MRTFA: variants seen among roughly 807,000 people sequenced by gnomAD.
MRTFA encodes the protein myocardin-related transcription factor A.
Under a neutral mutation model 83.5 loss-of-function variants are expected in MRTFA, and 20 were observed. The ratio of observed to expected loss-of-function variants is 0.24; its 90% confidence interval spans 0.17 to 0.35. The LOEUF is 0.35. Among genes scored for constraint, MRTFA ranks in the 10% least tolerant of loss-of-function variants. MRTFA has a pLI of 1.00. For synonymous variants in MRTFA, 659 were observed against 541.2 expected (o/e 1.22, Z -3.02); for missense variants, 1,200 against 1,224.7 (o/e 0.98, Z 0.30).
intron 9 of MRTFA, among the ~76,000 whole-genome samples, chr22:40,422,222 G>A (rs1167928321): frequency 3.9e-5 from 6 of 152,120 alleles, no homozygotes; most frequent in African/African-American, 1.4e-4. Context: ...AGGGAGGCAG[G>A]GAAAGCACAA....
At chr22:40,589,922 T>C (rs1479183715) in intron 2 of MRTFA, among the ~76,000 whole-genome samples, 2 of 149,480 alleles carry the variant, frequency 1.3e-5, no homozygotes, top group Non-Finnish European at 3.0e-5. Context: ...CTCAGGAGGC[T>C]GGGGCAGGAG....
At chr22:40,430,219 G>A (rs998670637) in intron 6 of MRTFA, among the ~76,000 whole-genome samples, 3 of 152,190 alleles carry the variant, frequency 2.0e-5, no homozygotes, top group Non-Finnish European at 2.9e-5. Context: ...TGGGCGTGGT[G>A]GCTCACGCTT....
At chr22:40,616,896 C>T (rs1043093141) in intron 1 of MRTFA, among the ~76,000 whole-genome samples, 1 of 151,792 alleles carries the variant, frequency 6.6e-6, no homozygotes, top group Admixed American at 6.6e-5. Flanking sequence ...CCCAGCAGTT[C>T]GAGCCCAGCC....
At chr22:40,636,055 G>A (rs1031987106) in intron 1 of MRTFA, among the ~76,000 whole-genome samples, 11 of 152,224 alleles carry the variant, frequency 7.2e-5, no homozygotes, top group African/African-American at 1.9e-4. Context: ...AAGTCCAGCT[G>A]AGCCTCCTTG....
chr22:40,525,844 G>A (rs985066513), intron 3 of MRTFA, among the ~76,000 whole-genome samples: 1 of 151,440 alleles, frequency 6.6e-6, no homozygotes, highest in Non-Finnish European at 1.5e-5. Context: ...ACAAGGCAGA[G>A]AATCAAAGAG....
chr22:40,416,180 C>T lies in MRTFA; in HGVS notation c.2578+806G>A, dbSNP rs777420765. Among the ~76,000 whole-genome samples, 6 of 152,330 alleles carry T rather than the reference C, an allele frequency of 3.9e-5. No individual in the cohort carries two copies. Among genetic ancestry groups the T allele is most frequent in the Non-Finnish European group, 8.8e-5 (6 of 68,034 alleles). The stretch of plus-strand genomic sequence containing the variant: ...CACTCCACCCTGGCCCTTTAGGCCA[C>T]AGCCCTTGAAGTCATCCTTGGCTGT... On this transcript the variant is annotated intron_variant, in intron 14 of 14. Coordinates refer to ENST00000355630, the MANE Select transcript of MRTFA (RefSeq NM_020831.6). The surrounding 1 kb of genome is among the most constrained non-coding windows in gnomAD (Gnocchi z 4.2).
chr22:40,597,238 A>G (rs1331132725), intron 1 of MRTFA, among the ~76,000 whole-genome samples: 3 of 152,250 alleles, frequency 2.0e-5, no homozygotes, highest in Non-Finnish European at 2.9e-5. Flanking sequence ...TACAAAGTGA[A>G]TAACGATCCA....
chr22:40,548,556 T>C (rs2055401805), intron 3 of MRTFA, among the ~76,000 whole-genome samples: 1 of 151,852 alleles, frequency 6.6e-6, no homozygotes, highest in African/African-American at 2.4e-5. Flanking sequence ...ACAGAAAATA[T>C]TGTATAAAAA....
chr22:40,591,420 A>G (rs1296933695), intron 2 of MRTFA, among the ~76,000 whole-genome samples: 1 of 152,238 alleles, frequency 6.6e-6, no homozygotes, highest in Non-Finnish European at 1.5e-5. Flanking sequence ...TTTGACCAGT[A>G]ATAAGAAACT....
intron 6 of MRTFA, among the ~76,000 whole-genome samples, chr22:40,430,530 T>C (rs73167034): frequency 0.088 from 13,389 of 151,596 alleles, 845 homozygotes; most frequent in East Asian, 0.25. Context: ...ATATTTATGC[T>C]GCTTCCAGGA....
intron 1 of MRTFA, among the ~76,000 whole-genome samples, chr22:40,634,651 C>G (rs113458738): frequency 1.3e-5 from 2 of 152,160 alleles, no homozygotes; most frequent in Non-Finnish European, 2.9e-5. Flanking sequence ...ACAGCCCCAG[C>G]CCTTAGAAAA....
At chr22:40,559,978 T>TAC (rs145921013) in intron 2 of MRTFA, among the ~76,000 whole-genome samples, 26 of 151,810 alleles carry the variant, frequency 1.7e-4, no homozygotes, top group African/African-American at 3.6e-4. Context: ...TCTATACACA[T>TAC]ACACACACAC....
chr22:40,480,469 G>GAT (rs1316357322), intron 3 of MRTFA, among the ~76,000 whole-genome samples: 1 of 151,980 alleles, frequency 6.6e-6, no homozygotes, highest in Non-Finnish European at 1.5e-5. Context: ...ATGACATGCT[G>GAT]ATATGGATGG....
At chr22:40,616,156 AGAT>A (rs1481371545) in intron 1 of MRTFA, among the ~76,000 whole-genome samples, 1 of 152,240 alleles carries the variant, frequency 6.6e-6, no homozygotes, top group East Asian at 1.9e-4. Context: ...AGAAATCAGA[AGAT>A]CAGCAATTCA....
At position 40,424,191 on chromosome 22, in the gene MRTFA, G is replaced by A; in HGVS notation, c.777+15C>T. On this transcript the variant is annotated intron_variant, in intron 8 of 14. Coordinates refer to ENST00000355630, the MANE Select transcript of MRTFA (RefSeq NM_020831.6). ...CACCTTGGAGCTGGGGAAGCATCTG[G>A]AAGCACACACTCACCTGGGTGGGGG... 1.3e-6 allele frequency: 2 copies of A among 1,581,640 alleles called. No individual in the cohort carries two copies. The highest frequency in any genetic ancestry group is 1.7e-6 in the Non-Finnish European group (2 of 1,167,268).
rs561837303 is a variant in MRTFA, at chr22:40,418,536, C to T, written c.2202G>A (p.Pro734=). The change falls in exon 12 of 15, where the codon CCG becomes CCA. Residue 734 remains proline, a synonymous_variant. Transcript: ENST00000355630. ...CCAGAAGCAACTGGGGGGCGGGGAC[C>T]GGCTCGGGCTCAGGCTGCAAGGCTT... 1.1e-4 allele frequency: 180 copies of T among 1,585,500 alleles called. No individual in the cohort carries two copies. The highest frequency in any genetic ancestry group is 2.0e-4 in the East Asian group (9 of 44,762).
intron 1 of MRTFA, among the ~76,000 whole-genome samples, chr22:40,631,406 T>C (rs550664596): frequency 6.6e-6 from 1 of 152,294 alleles, no homozygotes; most frequent in African/African-American, 2.4e-5. Flanking sequence ...AGCAACAATA[T>C]GAAGCAGGCC....
At chr22:40,423,771 A>G (rs2052894183) in intron 8 of MRTFA, 86 bp from the exon 9 acceptor site, 3 of 1,265,588 alleles carry the variant, frequency 2.4e-6, no homozygotes, top group Admixed American at 2.9e-5. Context: ...GGGTCCTCAG[A>G]CGCCACCATT....
chr22:40,419,204 C>T lies in MRTFA; in HGVS notation c.1534G>A (p.Ala512Thr). The T allele has an allele frequency of 6.3e-7, 1 of 1,596,554 alleles. No individual in the cohort carries two copies. Among genetic ancestry groups the T allele is most frequent in the Non-Finnish European group, 8.5e-7 (1 of 1,171,696 alleles). ...GCTGGCCCCGTGCTCAGCCGGGCCG[C>T]TGGGAAGGCTACCACCACCTCGCCA... The change falls in exon 12 of 15, where the codon GCG (alanine) becomes ACG (threonine). Residue 512 changes from alanine to threonine, a missense_variant. Transcript: ENST00000355630.
Sources: allele counts gnomAD v4.1 joint callset (sites outside exome capture counted in the v4.1 genomes callset), GRCh38; gene constraint gnomAD v4.1.1; non-coding constraint Gnocchi (gnomAD v3.1); transcripts MANE v1.5; gene names NCBI Gene and HGNC (gene_info 2026-07-23, HGNC 2026-07-21).